The following ASRGL1 variants were observed in gnomAD, a reference collection of about 807,000 sequenced individuals.
ASRGL1 encodes isoaspartyl peptidase/L-asparaginase.
In ASRGL1, 16 loss-of-function variants were observed where a neutral mutation model predicts 22.4. That is an observed-to-expected ratio of 0.71 (90% CI 0.48 to 1.08). The LOEUF is 1.08. ASRGL1 is among the 50% of genes least tolerant of loss of function. The pLI is 0.00. For missense variants in ASRGL1, 412 were observed against 410.1 expected, an observed-to-expected ratio of 1.00 and a Z score of -0.04; for synonymous variants, 165 against 159.3, an observed-to-expected ratio of 1.04 and a Z score of -0.27.
chr11:62,349,029 C>T (rs1946105624), intron 2 of ASRGL1, among the ~76,000 whole-genome samples: 1 of 151,780 alleles, frequency 6.6e-6, no homozygotes, highest in Non-Finnish European at 1.5e-5. Context: ...AGTGCAGTGG[C>T]ACGATCTCGG....
Position 62,389,226 on chromosome 11 carries a change from C to T in ASRGL1, c.585C>T (p.Gly195=), listed in dbSNP as rs192362750. ...GCGGTATCGTTAATAAAATGGTCGG[C>T]CGCGTTGGGGACTCACCGTGTCTAG... ...STGGIVNKMV[G]RVGDSPCLGA... The change falls in exon 5 of 7, where the codon GGC becomes GGT. Residue 195 remains glycine (G), a synonymous_variant. Transcript: ENST00000415229. 33 of 1,614,082 alleles carry T rather than the reference C, an allele frequency of 2.0e-5. No homozygotes were observed. The Admixed American group carries it at 5.5e-4, about 27-fold the overall frequency.
chr11:62,353,859 C>A (rs546672470), intron 2 of ASRGL1, among the ~76,000 whole-genome samples: 2 of 152,158 alleles, frequency 1.3e-5, no homozygotes, highest in Admixed American at 1.3e-4. Context: ...CTGCGCTGAT[C>A]AGTGTAAAGG....
intron 4 of ASRGL1, chr11:62,371,937 G>T: frequency 1.7e-6 from 1 of 577,456 alleles, no homozygotes; most frequent in East Asian, 2.9e-5. Context: ...CTGGGCAACA[G>T]AGCAAGACTC....
intron 2 of ASRGL1, among the ~76,000 whole-genome samples, chr11:62,348,504 G>T (rs1442058902): frequency 6.6e-6 from 1 of 152,046 alleles, no homozygotes; most frequent in Non-Finnish European, 1.5e-5. Context: ...AGGAGATCGA[G>T]ACCAGCCTGG....
At chr11:62,338,260 G>A (rs146912197) in intron 2 of ASRGL1, 93 bp downstream of exon 2, 2 of 1,254,126 alleles carry the variant, frequency 1.6e-6, no homozygotes, top group South Asian at 1.7e-5. Flanking sequence ...GGAATCTAAT[G>A]AGCTTTGGGG....
chr11:62,371,989 A>G (rs1946783613), intron 4 of ASRGL1: 3 of 655,122 alleles, frequency 4.6e-6, no homozygotes, highest in African/African-American at 3.7e-5. Context: ...CTAAACAGGA[A>G]GCTGCGTACG....
At chr11:62,395,853 C>G (rs969620278), downstream of ASRGL1, among the ~76,000 whole-genome samples, 6 of 141,662 alleles carry the variant, frequency 4.2e-5, no homozygotes, top group African/African-American at 1.5e-4. Context: ...CTCACTGCAA[C>G]CTCCACCTCC....
At chr11:62,400,853 A>T in the ASRGL1 span, among the ~76,000 whole-genome samples, 3 of 152,222 alleles carry the variant, frequency 2.0e-5, no homozygotes, top group East Asian at 5.8e-4. Context: ...TCTGAAAAGT[A>T]GCTCAGATGC....
intron 2 of ASRGL1, among the ~76,000 whole-genome samples, chr11:62,350,891 G>T (rs1319590683): frequency 6.6e-6 from 1 of 152,176 alleles, no homozygotes; most frequent in Non-Finnish European, 1.5e-5. Flanking sequence ...GATATGTTGA[G>T]ATTTAAACCT....
intron 2 of ASRGL1, among the ~76,000 whole-genome samples, chr11:62,340,777 T>C (rs575376488): frequency 6.6e-6 from 1 of 152,272 alleles, no homozygotes; most frequent in African/African-American, 2.4e-5. Context: ...CCAAGGTCAC[T>C]ACCGGCAAGC....
intron 4 of ASRGL1, among the ~76,000 whole-genome samples, chr11:62,378,619 A>G (rs1384369593): frequency 6.6e-6 from 1 of 152,156 alleles, no homozygotes; most frequent in Non-Finnish European, 1.5e-5. Context: ...CCCGGGTTGG[A>G]GAGGCCCCAT....
intron 4 of ASRGL1, chr11:62,371,102 CT>C: frequency 1.4e-6 from 1 of 695,934 alleles, no homozygotes; most frequent in African/African-American, 1.9e-5. Flanking sequence ...TTTTTTCTCT[CT>C]GGTTTCTCAT....
chr11:62,392,498 G>C lies in ASRGL1; in HGVS notation c.*214G>C. On this transcript the variant is annotated 3_prime_UTR_variant, in exon 7 of 7. Transcript: ENST00000415229. ...TTAGGAGGATTACTTGAGCCCAGGA[G>C]GTCAAAGCTGAGGTGAGCCATGATT... 3 of 600,144 alleles carry C rather than the reference G, an allele frequency of 5.0e-6. No individual in the cohort carries two copies. Among genetic ancestry groups the C allele is most frequent in the Non-Finnish European group, 8.8e-6 (3 of 342,554 alleles). 37.2% of individuals were successfully genotyped at this position (600,144 alleles called of 1,614,324 possible).
chr11:62,342,413 A>C (rs962463970), intron 2 of ASRGL1, among the ~76,000 whole-genome samples: 3 of 152,200 alleles, frequency 2.0e-5, no homozygotes, highest in Non-Finnish European at 4.4e-5. Context: ...TCTTTGAATA[A>C]ATTTTGCTTC....
chr11:62,367,113 TGGATTACGA>T (rs2134643184), intron 4 of ASRGL1, among the ~76,000 whole-genome samples: 1 of 148,628 alleles, frequency 6.7e-6, no homozygotes, highest in South Asian at 2.1e-4. Context: ...CTGAGGCGGG[TGGATTACGA>T]GGTCAGGAGA....
chr11:62,366,648 A>G (rs1946617690), intron 4 of ASRGL1, among the ~76,000 whole-genome samples: 1 of 150,982 alleles, frequency 6.6e-6, no homozygotes, highest in South Asian at 2.1e-4. Flanking sequence ...TCCCTTTCTT[A>G]TCAGTCTCAT....
chr11:62,348,968 TG>T (rs35551368), intron 2 of ASRGL1, among the ~76,000 whole-genome samples: 41,239 of 151,228 alleles, frequency 0.27, 5,683 homozygotes, highest in South Asian at 0.35. Context: ...TGGTTTTTTG[TG>T]GTTTTTTTTT....
At chr11:62,387,971 A>G (rs1947253706) in intron 4 of ASRGL1, among the ~76,000 whole-genome samples, 1 of 152,210 alleles carries the variant, frequency 6.6e-6, no homozygotes, top group Non-Finnish European at 1.5e-5. Flanking sequence ...AGAAATGCAT[A>G]GTTGGGCAAT....
intron 2 of ASRGL1, among the ~76,000 whole-genome samples, chr11:62,354,579 T>G (rs575781020): frequency 1.3e-5 from 2 of 152,222 alleles, no homozygotes; most frequent in Non-Finnish European, 2.9e-5. Flanking sequence ...GAGGTGCTAC[T>G]GCAGCTGATC....
Sources: gnomAD v4.1 joint callset for allele counts (sites outside exome capture counted in the v4.1 genomes callset) on GRCh38, gnomAD v4.1.1 for gene constraint, MANE v1.5 for transcripts, NCBI Gene and HGNC (gene_info 2026-07-23, HGNC 2026-07-21) for gene names.